The following ZNF846 variants were observed in gnomAD, a reference collection of about 807,000 sequenced individuals.
ZNF846 encodes the protein zinc finger protein 846, also known as zinc finger protein 420 pseudogene.
In ZNF846, 15 loss-of-function variants were observed where a neutral mutation model predicts 16.0. The ratio of observed to expected loss-of-function variants is 0.94; its 90% CI spans 0.63 to 1.45. The LOEUF is 1.45. ZNF846 is among the 40% of genes most tolerant of loss of function. The pLI is 0.00. For missense variants in ZNF846, 714 were observed against 622.3 expected (o/e 1.15, Z -1.57); for synonymous variants, 229 against 212.0 (o/e 1.08, Z -0.70).
At chr19:9,773,405 T>C (rs2045405749), upstream of ZNF846, among the ~76,000 whole-genome samples, 1 of 152,200 alleles carries the variant, frequency 6.6e-6, no homozygotes, top group Admixed American at 6.5e-5. Context: ...CCTGTACCTA[T>C]AGCTGAGTGT....
At chr19:9,774,656 G>T in intron 1 of ZNF846, 1 of 1,461,798 alleles carries the variant, frequency 6.8e-7, no homozygotes, top group East Asian at 2.3e-5. Context: ...CTTCAGAATC[G>T]AAATCAACTT....
Position 9,763,426 on chromosome 19 carries a change from T to A in ZNF846, c.16-18A>T. 6.3e-7 allele frequency: 1 copy of A among 1,580,846 alleles called. No individual in the cohort carries two copies. The highest frequency in any genetic ancestry group is 8.6e-7 in the Non-Finnish European group (1 of 1,165,478). ...ACTAAGTGCTAAACCATTAAATACATGCCAGCTTCAGCTAAGTACCATCTC... is the reference window on the plus strand; with the variant it reads ...ACTAAGTGCTAAACCATTAAATACAAGCCAGCTTCAGCTAAGTACCATCTC... On this transcript the variant is annotated intron_variant, in intron 2 of 5. Coordinates refer to ENST00000397902, the Ensembl canonical transcript of ZNF846.
upstream of ZNF846, among the ~76,000 whole-genome samples, chr19:9,769,227 G>C (rs569097528): frequency 6.6e-6 from 1 of 152,156 alleles, no homozygotes; most frequent in African/African-American, 2.4e-5. Flanking sequence ...TTGGACCACA[G>C]TTGGGCCCAT....
chr19:9,755,390 T>C (rs1284418831), downstream of ZNF846: 3 of 151,626 alleles, frequency 2.0e-5, no homozygotes, highest in African/African-American at 7.3e-5. Context: ...ATTTCTCCTC[T>C]AGTATGATCT....
At chr19:9,758,296 TACC>T in exon 6 of ZNF846, 5 of 1,613,590 alleles carry the variant, frequency 3.1e-6, no homozygotes, top group Non-Finnish European at 4.2e-6. Context: ...GTGAAAGCTT[TACC>T]ACATTCTTTA....
chr19:9,761,350 A>T (rs1031671756), intron 4 of ZNF846, among the ~76,000 whole-genome samples: 6 of 104,952 alleles, frequency 5.7e-5, no homozygotes, highest in Non-Finnish European at 1.3e-4. Flanking sequence ...AACATGATTA[A>T]AAAAAAAAAG....
chr19:9,756,345 G>GTGTATATATA (rs1321690890), downstream of ZNF846: 398 of 81,618 alleles, frequency 4.9e-3, 3 homozygotes, highest in African/African-American at 0.015. Context: ...GTGTGTGTGT[G>GTGTATATATA]TATATATATA....
At chr19:9,749,846 T>G (rs2045070295), downstream of ZNF846, among the ~76,000 whole-genome samples, 1 of 152,164 alleles carries the variant, frequency 6.6e-6, no homozygotes, top group Non-Finnish European at 1.5e-5. Context: ...CTTTACTTTC[T>G]AGACAGATTT....
intron 1 of ZNF846, among the ~76,000 whole-genome samples, chr19:9,775,817 TC>T (rs1459287497): frequency 6.6e-6 from 1 of 152,154 alleles, no homozygotes; most frequent in Admixed American, 6.6e-5. Context: ...CACGAGCTGT[TC>T]CAGTATAATA....
chr19:9,774,893 C>T (rs903315028), intron 1 of ZNF846: 2 of 1,609,732 alleles, frequency 1.2e-6, no homozygotes, highest in Non-Finnish European at 1.7e-6. Flanking sequence ...CTCTAAGGAC[C>T]GTAAAAAATT....
intron 1 of ZNF846, 89 bp from the exon 2 acceptor site, chr19:9,765,124 G>C (rs923845088): frequency 1.1e-5 from 8 of 707,914 alleles, no homozygotes; most frequent in Non-Finnish European, 1.9e-5. Context: ...TGTAATCCCA[G>C]CACTTTGGGA....
exon 4 of ZNF846, chr19:9,762,136 A>T (rs1370702507): frequency 1.2e-6 from 2 of 1,614,122 alleles, no homozygotes; most frequent in East Asian, 4.5e-5. Context: ...TCCAATCCAG[A>T]CATGAGACTA....
At chr19:9,783,544 A>AATATATATATATATATATATAT (rs1555714919) in intron 1 of ZNF846, among the ~76,000 whole-genome samples, 2 of 108,834 alleles carry the variant, frequency 1.8e-5, no homozygotes, top group East Asian at 2.3e-4. Flanking sequence ...AAAAAAAAAA[A>AATATATATATATATATATATAT]ATATATATAT....
chr19:9,781,733 C>T (rs1225797861), intron 1 of ZNF846, among the ~76,000 whole-genome samples: 1 of 151,222 alleles, frequency 6.6e-6, no homozygotes. Context: ...TTTAATTGCT[C>T]TATCAATGAA....
downstream of ZNF846, chr19:9,755,756 C>T (rs1188962673): frequency 1.4e-4 from 18 of 125,148 alleles, no homozygotes; most frequent in East Asian, 3.1e-3. Flanking sequence ...GCCGAGATCC[C>T]GCCACTGCAC....
intron 1 of ZNF846, among the ~76,000 whole-genome samples, chr19:9,766,239 G>A (rs2045313266): frequency 6.6e-6 from 1 of 151,794 alleles, no homozygotes; most frequent in Admixed American, 6.6e-5. Flanking sequence ...GGTCAACATG[G>A]TGAAACCCCA....
downstream of ZNF846, among the ~76,000 whole-genome samples, chr19:9,754,925 G>A (rs149974453): frequency 0.011 from 1,599 of 151,094 alleles, 64 homozygotes; most frequent in African/African-American, 0.033. Context: ...GAGTCCAATG[G>A]TGCGATTTCG....
downstream of ZNF846, chr19:9,752,509 G>A: frequency 3.3e-6 from 1 of 301,286 alleles, no homozygotes; most frequent in Admixed American, 3.4e-5. Flanking sequence ...CAGCTACTCG[G>A]GAGGCTGAAG....
upstream of ZNF846, among the ~76,000 whole-genome samples, chr19:9,769,247 CTAAGT>C (rs1221432920): frequency 6.6e-6 from 1 of 151,816 alleles, no homozygotes; most frequent in Non-Finnish European, 1.5e-5. Context: ...TCACGCCCAG[CTAAGT>C]TATCTTTTTC....
Sources: gnomAD v4.1 joint callset for allele counts (sites outside exome capture counted in the v4.1 genomes callset) on GRCh38, gnomAD v4.1.1 for gene constraint, MANE v1.5 for transcripts, NCBI Gene and HGNC (gene_info 2026-07-23, HGNC 2026-07-21) for gene names.